Variants in TBC1D1 observed in about 807,000 individuals in gnomAD.
TBC1D1 encodes the protein TBC1 (tre-2/USP6, BUB2, cdc16) domain family, member 1.
Under a neutral mutation model 125.6 loss-of-function variants are expected in TBC1D1, and 89 were observed. That is an observed-to-expected ratio of 0.71 (90% confidence interval 0.60 to 0.85). The LOEUF is 0.85. Among genes scored for constraint, TBC1D1 ranks in the 40% least tolerant of loss-of-function variants. TBC1D1 has a pLI of 0.00. For synonymous variants in TBC1D1, 565 were observed against 564.1 expected (o/e 1.00, Z -0.02); for missense variants, 1,377 against 1,469.2 (o/e 0.94, Z 1.03).
intron 12 of TBC1D1, among the ~76,000 whole-genome samples, chr4:38,076,179 C>T (rs1238810377): frequency 1.3e-5 from 2 of 152,144 alleles, no homozygotes; most frequent in Non-Finnish European, 2.9e-5. Context: ...GAAGGGGAAG[C>T]AAACATGTCC....
chr4:38,067,744 T>C (rs915911986), intron 12 of TBC1D1, among the ~76,000 whole-genome samples: 1 of 152,272 alleles, frequency 6.6e-6, no homozygotes, highest in Middle Eastern at 3.4e-3. Context: ...GCTCAGCCCC[T>C]GGTGCAGGTC....
rs200604910 is a variant in TBC1D1 at position 38,054,205 on chromosome 4, T to C, written c.1917T>C (p.Phe639=). 1.9e-6 allele frequency: 3 copies of C among 1,614,166 alleles called. No individual in the cohort carries two copies. The highest frequency in any genetic ancestry group is 2.5e-6 in the Non-Finnish European group (3 of 1,179,956). Reference sequence around the variant, plus strand: ...AATCATCTTATAATTTTAGGGACTTTGAATCCAAAGCAAACCATCTTGGTG... The same window carrying C: ...AATCATCTTATAATTTTAGGGACTTCGAATCCAAAGCAAACCATCTTGGTG... The change falls in exon 12 of 20, where the codon TTT becomes TTC. Residue 639 remains phenylalanine, a synonymous_variant. Transcript: ENST00000261439.
chr4:37,909,666 G>A (rs1718126569), intron 2 of TBC1D1, among the ~76,000 whole-genome samples: 1 of 152,050 alleles, frequency 6.6e-6, no homozygotes, highest in Non-Finnish European at 1.5e-5. Context: ...TCTACATTTG[G>A]TCATAATTTC....
chr4:38,137,533 G>T lies in TBC1D1; in HGVS notation c.*198G>T. The T allele has an allele frequency of 1.4e-6, 1 of 721,698 alleles. No individual in the cohort carries two copies. Among genetic ancestry groups the T allele is most frequent in the Non-Finnish European group, 2.0e-6 (1 of 506,352 alleles). The allele number at this position is 721,698 out of a possible 1,614,324, so 44.7% of individuals were successfully genotyped here. A position where few individuals can be genotyped will look rare whatever the true frequency, so the allele number is the denominator to read the frequency against. On this transcript the variant is annotated 3_prime_UTR_variant, in exon 20 of 20. Coordinates refer to ENST00000261439, the MANE Select transcript of TBC1D1 (RefSeq NM_015173.4). Reference sequence around the variant, plus strand: ...CCCAGTGTTTTTTTTGTTGTTTTTAGATACTAAATCGTCCCTTCTCCAGTC... The same window carrying T: ...CCCAGTGTTTTTTTTGTTGTTTTTATATACTAAATCGTCCCTTCTCCAGTC...
intron 2 of TBC1D1, among the ~76,000 whole-genome samples, chr4:37,910,747 T>C (rs1257805671): frequency 6.6e-6 from 1 of 151,862 alleles, no homozygotes; most frequent in Non-Finnish European, 1.5e-5. Flanking sequence ...TACAACGGAG[T>C]GACCATAGTC....
intron 15 of TBC1D1, chr4:38,110,187 G>A: frequency 1.0e-6 from 1 of 985,254 alleles, no homozygotes; most frequent in Non-Finnish European, 1.2e-6. Flanking sequence ...AGTCAGATGG[G>A]CTCTGAATAG....
chr4:38,084,848 T>C (rs1256708055), intron 12 of TBC1D1, among the ~76,000 whole-genome samples: 1 of 152,154 alleles, frequency 6.6e-6, no homozygotes, highest in East Asian at 1.9e-4. Flanking sequence ...TGTCTACTCG[T>C]TTCCTTCTAG....
At chr4:38,023,243 C>CAA (rs71658750) in intron 6 of TBC1D1, among the ~76,000 whole-genome samples, 2,389 of 76,474 alleles carry the variant, frequency 0.031, 43 homozygotes, top group South Asian at 0.099. Context: ...CGAGATGTCT[C>CAA]AAAAAAAAAA....
intron 12 of TBC1D1, among the ~76,000 whole-genome samples, chr4:38,072,876 CTTAT>C (rs1754942190): frequency 6.6e-6 from 1 of 152,144 alleles, no homozygotes; most frequent in Non-Finnish European, 1.5e-5. Context: ...TATTTGTCTT[CTTAT>C]TTCTGGTTTA....
chr4:38,137,007 A>C, intron 19 of TBC1D1, 128 bp from the exon 22 acceptor site: 1 of 1,472,066 alleles, frequency 6.8e-7, no homozygotes. Context: ...AACTGATGAT[A>C]AACTGTAGAC....
At chr4:37,964,627 G>A (rs1306299071) in intron 2 of TBC1D1, among the ~76,000 whole-genome samples, 2 of 152,216 alleles carry the variant, frequency 1.3e-5, no homozygotes, top group East Asian at 1.9e-4. Context: ...TGGTCCCAGC[G>A]TAGCCTGGAT....
intron 2 of TBC1D1, among the ~76,000 whole-genome samples, chr4:37,912,951 A>T (rs1267234389): frequency 6.6e-6 from 1 of 152,242 alleles, no homozygotes; most frequent in Non-Finnish European, 1.5e-5. Flanking sequence ...AGTGAAATGG[A>T]TTAATTTATT....
chr4:38,132,959 C>T, intron 18 of TBC1D1, 125 bp from the exon 21 acceptor site: 1 of 667,154 alleles, frequency 1.5e-6, no homozygotes, highest in Non-Finnish European at 2.4e-6. Flanking sequence ...CTTCTAGTAC[C>T]AAGTGTAGAG....
Position 38,090,061 on chromosome 4 carries a change from C to T in TBC1D1, c.2180C>T (p.Ala727Val). The change falls in exon 13 of 20, where the codon GCT becomes GTT. Residue 727 changes from alanine (A) to valine (V), a missense_variant. Physicochemically the swap from Ala to Val is moderately conservative, Grantham distance 64. This residue lies in a region of TBC1D1 where 543 missense variants were observed against 613.5 expected (regional missense o/e 0.89). Transcript: ENST00000261439. Reference sequence around the variant, plus strand: ...GAGCTCCGAGAGCTGTGGCAAAAGGCTATTCTTCAACAGATACTGCTGCTT... The same window carrying T: ...GAGCTCCGAGAGCTGTGGCAAAAGGTTATTCTTCAACAGATACTGCTGCTT... 1 of 1,614,054 alleles carries T rather than the reference C, an allele frequency of 6.2e-7. No homozygotes were observed. The highest frequency in any genetic ancestry group is 1.1e-5 in the South Asian group (1 of 91,068).
intron 3 of TBC1D1, among the ~76,000 whole-genome samples, chr4:38,017,783 A>G (rs1359831029): frequency 2.0e-5 from 3 of 152,172 alleles, no homozygotes; most frequent in East Asian, 1.9e-4. Context: ...CACAGCCTGC[A>G]GGGGCGTGTG....
intron 2 of TBC1D1, among the ~76,000 whole-genome samples, chr4:37,941,825 T>G (rs1725636333): frequency 6.6e-6 from 1 of 152,098 alleles, no homozygotes; most frequent in African/African-American, 2.4e-5. Flanking sequence ...TCCATGTAGT[T>G]GAGTAGTTTT....
At position 38,045,783 on chromosome 4, in the gene TBC1D1, A is replaced by G. The variant is rs755547070; in HGVS notation, c.1543-34A>G. The G allele has an allele frequency of 4.4e-6, 7 of 1,575,948 alleles. No individual in the cohort carries two copies. In the African/African-American group the frequency reaches 9.4e-5, roughly 21 times the overall value. ...AGCTGATGCCTTTGCAAAAGCCTCCAGAGTCATAACTCGACTGCCTTTTCT... is the reference window on the plus strand; with the variant it reads ...AGCTGATGCCTTTGCAAAAGCCTCCGGAGTCATAACTCGACTGCCTTTTCT... On this transcript the variant is annotated intron_variant, in intron 9 of 19. Coordinates refer to ENST00000261439, the MANE Select transcript of TBC1D1 (RefSeq NM_015173.4).
chr4:37,998,706 A>G (rs915937372), intron 2 of TBC1D1, among the ~76,000 whole-genome samples: 3 of 152,164 alleles, frequency 2.0e-5, no homozygotes, highest in Admixed American at 6.5e-5. Flanking sequence ...CCTTCTGTAA[A>G]ACGGGAATGA....
chr4:37,934,680 G>C (rs1382616541), intron 2 of TBC1D1, among the ~76,000 whole-genome samples: 1 of 152,176 alleles, frequency 6.6e-6, no homozygotes, highest in Admixed American at 6.5e-5. Flanking sequence ...CTGTGAGGGA[G>C]AGACCAGTGT....
Sources: allele counts gnomAD v4.1 joint callset (sites outside exome capture counted in the v4.1 genomes callset), GRCh38; gene constraint gnomAD v4.1.1; regional missense constraint gnomAD v4.1.1; transcripts MANE v1.5; gene names NCBI Gene and HGNC (gene_info 2026-07-23, HGNC 2026-07-21).